Variants in TRDMT1 observed in about 807,000 individuals in gnomAD.
The protein encoded by TRDMT1 is tRNA (cytosine(38)-C(5))-methyltransferase.
Under a neutral mutation model 51.2 loss-of-function variants are expected in TRDMT1, and 49 were observed. The observed-to-expected ratio is 0.96, with a 90% confidence interval of 0.76 to 1.21. TRDMT1 has a LOEUF of 1.21. Among genes scored for constraint, TRDMT1 ranks in the 50% most tolerant of loss-of-function variants. TRDMT1 has a pLI of 0.00. For synonymous variants in TRDMT1, 187 were observed against 164.6 expected, an observed-to-expected ratio of 1.14 and a Z score of -1.04; for missense variants, 534 against 462.3, an observed-to-expected ratio of 1.16 and a Z score of -1.42.
chr10:17,161,697 T>C, intron 4 of TRDMT1, 149 bp from the exon 5 acceptor site: 1 of 479,662 alleles, frequency 2.1e-6, no homozygotes, highest in Non-Finnish European at 3.5e-6. Context: ...CAACATATAT[T>C]TTATTCATTT....
Position 17,156,934 on chromosome 10 carries a change from C to A in TRDMT1, c.887+507G>T, listed in dbSNP as rs957609199. Reference sequence around the variant, plus strand: ...GAGACAGAAATGGAAGGGAGTCTTACAATCTTAGTTATCTTTTGAATTGGA... The same window carrying A: ...GAGACAGAAATGGAAGGGAGTCTTAAAATCTTAGTTATCTTTTGAATTGGA... On this transcript the variant is annotated intron_variant, in intron 8 of 10. Coordinates refer to ENST00000377799, the MANE Select transcript of TRDMT1 (RefSeq NM_004412.7). 2.6e-5 allele frequency among the ~76,000 whole-genome samples: 4 copies of A among 152,198 alleles called. No individual in the cohort carries two copies. In the East Asian group the frequency reaches 7.7e-4, roughly 29 times the overall value.
intron 3 of TRDMT1, among the ~76,000 whole-genome samples, chr10:17,167,984 TC>T (rs1288265301): frequency 6.6e-6 from 1 of 152,152 alleles, no homozygotes; most frequent in African/African-American, 2.4e-5. Flanking sequence ...AACTGCTATT[TC>T]CTTTGTGATT....
At chr10:17,162,082 C>T in intron 4 of TRDMT1, 84 bp downstream of exon 4, 1 of 1,218,402 alleles carries the variant, frequency 8.2e-7, no homozygotes, top group African/African-American at 1.5e-5. Flanking sequence ...AATGGCTATC[C>T]TCTACAAAAT....
chr10:17,140,213 T>A lies in TRDMT1; in HGVS notation c.*8827A>T, dbSNP rs1837563965. Among the ~76,000 whole-genome samples, 1 of 129,432 alleles carries A rather than the reference T, an allele frequency of 7.7e-6. No homozygotes were observed. The highest frequency in any genetic ancestry group is 7.7e-5 in the Admixed American group (1 of 13,018). 84.9% of individuals were successfully genotyped at this position (129,432 alleles called of 152,430 possible). On this transcript the variant is annotated 3_prime_UTR_variant, in exon 11 of 11. Coordinates refer to ENST00000377799, the MANE Select transcript of TRDMT1 (RefSeq NM_004412.7). ...ACAGGCACATGCCACCACATCCAGCTATTTTTTTTTTTTTTTTGTACCTTT... is the reference window on the plus strand; with the variant it reads ...ACAGGCACATGCCACCACATCCAGCAATTTTTTTTTTTTTTTTGTACCTTT...
rs1839706805 is a variant in TRDMT1, at chr10:17,157,573, A to T, written c.755T>A (p.Met252Lys). The change falls in exon 8 of 11, where the codon ATG becomes AAG. Residue 252 changes from methionine to lysine, a missense_variant. By Grantham distance (95) the Met-to-Lys change is moderately conservative. Coordinates refer to ENST00000377799, the MANE Select transcript of TRDMT1 (RefSeq NM_004412.7). ...NQQDSDLSVK[M>K]LKDFLEDDTD... ...GTCATCTTCAAGAAAATCTTTTAGC[A>T]TTTTCACAGAGAGATCACTATCTTG... The T allele has an allele frequency of 1.2e-6, 2 of 1,614,054 alleles. No homozygotes were observed. The highest frequency in any genetic ancestry group is 1.7e-6 in the Non-Finnish European group (2 of 1,179,954).
Position 17,157,625 on chromosome 10 carries a change from C to A in TRDMT1, c.703G>T (p.Ala235Ser). 6.2e-7 allele frequency: 1 copy of A among 1,613,794 alleles called. No homozygotes were observed. The highest frequency in any genetic ancestry group is 1.1e-5 in the South Asian group (1 of 91,060). The change falls in exon 8 of 11, where the codon GCA (alanine) becomes TCA (serine). Residue 235 changes from alanine to serine, a missense_variant. Transcript: ENST00000377799. ...KDAILFKLET[A>S]EEIHRKNQQD... Reference sequence around the variant, plus strand: ...TGATTTTTCCTGTGAATTTCTTCTGCAGTTTCAAGCTTAAAAAGAATGGCA... The same window carrying A: ...TGATTTTTCCTGTGAATTTCTTCTGAAGTTTCAAGCTTAAAAAGAATGGCA...
intron 1 of TRDMT1, among the ~76,000 whole-genome samples, chr10:17,198,334 C>G (rs1293460634): frequency 6.6e-6 from 1 of 152,180 alleles, no homozygotes; most frequent in Non-Finnish European, 1.5e-5. Context: ...AGGACTCAAA[C>G]AATACTTATA....
chr10:17,176,543 G>A (rs1842640785), intron 1 of TRDMT1, among the ~76,000 whole-genome samples: 1 of 152,140 alleles, frequency 6.6e-6, no homozygotes, highest in African/African-American at 2.4e-5. Flanking sequence ...ATAAGCAAAT[G>A]CACTGTTTGC....
In TRDMT1 at chr10:17,141,475, G is replaced by A. The variant is rs1320763155; in HGVS notation, c.*7565C>T. On this transcript the variant is annotated 3_prime_UTR_variant, in exon 11 of 11. Coordinates refer to ENST00000377799, the MANE Select transcript of TRDMT1 (RefSeq NM_004412.7). ...GCGCCCAGCCTCCAGCTGCTTTTAA[G>A]GTTTTGCCAAATTTGGGATGTTTCC... 6.6e-6 allele frequency among the ~76,000 whole-genome samples: 1 copy of A among 151,180 alleles called. No individual in the cohort carries two copies. The highest frequency in any genetic ancestry group is 2.4e-5 in the African/African-American group (1 of 41,304).
intron 7 of TRDMT1, among the ~76,000 whole-genome samples, chr10:17,158,768 T>A (rs965594134): frequency 6.6e-6 from 1 of 152,192 alleles, no homozygotes; most frequent in African/African-American, 2.4e-5. Flanking sequence ...AAGCCACTTT[T>A]AAGATAAAAT....
chr10:17,139,064 T>G lies in TRDMT1; in HGVS notation c.*9976A>C. On this transcript the variant is annotated 3_prime_UTR_variant, in exon 11 of 11. Coordinates refer to ENST00000377799, the MANE Select transcript of TRDMT1 (RefSeq NM_004412.7). ...AGCTAGTAAAAAAATCAACAGAGCTTTCTCTACCTCCAACAGCTCCCGGAA... is the reference window on the plus strand; with the variant it reads ...AGCTAGTAAAAAAATCAACAGAGCTGTCTCTACCTCCAACAGCTCCCGGAA... The G allele has an allele frequency of 1.7e-6, 1 of 593,628 alleles. No homozygotes were observed. Among genetic ancestry groups the G allele is most frequent in the Non-Finnish European group, 2.1e-6 (1 of 472,064 alleles). 36.8% of individuals were successfully genotyped at this position (593,628 alleles called of 1,614,324 possible). A position where few individuals can be genotyped will look rare whatever the true frequency, so the allele number is the denominator to read the frequency against.
chr10:17,147,868 G>T lies in TRDMT1; in HGVS notation c.*1172C>A. The T allele has an allele frequency of 2.2e-6, 1 of 452,826 alleles. No individual in the cohort carries two copies. The highest frequency in any genetic ancestry group is 2.9e-6 in the Non-Finnish European group (1 of 343,484). The allele number at this position is 452,826 out of a possible 1,614,324, so 28.1% of individuals were successfully genotyped here. Reference sequence around the variant, plus strand: ...CTGAATCATAGGGTAATTCTATGTTGAATTTTGTGACGAACCTCCATAGCG... The same window carrying T: ...CTGAATCATAGGGTAATTCTATGTTTAATTTTGTGACGAACCTCCATAGCG... On this transcript the variant is annotated 3_prime_UTR_variant, in exon 11 of 11. Coordinates refer to ENST00000377799, the MANE Select transcript of TRDMT1 (RefSeq NM_004412.7).
rs181767679 is a variant in TRDMT1, at chr10:17,147,007, T to A, written c.*2033A>T. Reference sequence around the variant, plus strand: ...GAATTCCACTAAGCTACATTCTGTCTACCAGTTTGTAAGCAAATGTCTCTA... The same window carrying A: ...GAATTCCACTAAGCTACATTCTGTCAACCAGTTTGTAAGCAAATGTCTCTA... On this transcript the variant is annotated 3_prime_UTR_variant, in exon 11 of 11. Coordinates refer to ENST00000377799, the MANE Select transcript of TRDMT1 (RefSeq NM_004412.7). 2 of 985,574 alleles carry A rather than the reference T, an allele frequency of 2.0e-6. No individual in the cohort carries two copies. Among genetic ancestry groups the A allele is most frequent in the East Asian group, 2.3e-4 (2 of 8,812 alleles). The allele number at this position is 985,574 out of a possible 1,614,324, so 61.1% of individuals were successfully genotyped here.
intron 1 of TRDMT1, among the ~76,000 whole-genome samples, chr10:17,190,777 A>C (rs1844588476): frequency 6.6e-6 from 1 of 152,208 alleles, no homozygotes; most frequent in South Asian, 2.1e-4. Flanking sequence ...TCATTTGTTC[A>C]TTCACGCATT....
intron 1 of TRDMT1, chr10:17,201,368 G>A: frequency 1.9e-6 from 1 of 525,254 alleles, no homozygotes; most frequent in Non-Finnish European, 3.3e-6. Context: ...GCCAGACTCG[G>A]CGCCAGGAGA....
At chr10:17,160,807 C>T (rs1840245573) in intron 5 of TRDMT1, among the ~76,000 whole-genome samples, 1 of 152,188 alleles carries the variant, frequency 6.6e-6, no homozygotes, top group African/African-American at 2.4e-5. Flanking sequence ...TGTAACTTCA[C>T]TTGTTTAGAA....
At chr10:17,157,975 T>C (rs781780606) in intron 7 of TRDMT1, among the ~76,000 whole-genome samples, 191 bp from the exon 8 acceptor site, 3 of 152,196 alleles carry the variant, frequency 2.0e-5, no homozygotes, top group Non-Finnish European at 4.4e-5. Flanking sequence ...TATATTGTCA[T>C]CAGGCTGCAG....
intron 5 of TRDMT1, among the ~76,000 whole-genome samples, chr10:17,160,802 C>A (rs1467222526): frequency 6.6e-6 from 1 of 152,194 alleles, no homozygotes; most frequent in African/African-American, 2.4e-5. Flanking sequence ...AAAACTGTAA[C>A]TTCACTTGTT....
intron 5 of TRDMT1, among the ~76,000 whole-genome samples, chr10:17,160,716 C>T (rs1327272749): frequency 1.3e-5 from 2 of 152,132 alleles, no homozygotes; most frequent in African/African-American, 4.8e-5. Context: ...CATGATCCAC[C>T]CGCCTCGGCC....
Sources: allele counts gnomAD v4.1 joint callset (sites outside exome capture counted in the v4.1 genomes callset), GRCh38; gene constraint gnomAD v4.1.1; transcripts MANE v1.5; gene names NCBI Gene and HGNC (gene_info 2026-07-23, HGNC 2026-07-21).